The following JARID2 variants were observed in gnomAD, a reference collection of about 807,000 sequenced individuals.
The protein encoded by JARID2 is jumonji and AT-rich interaction domain containing 2.
In JARID2, 21 loss-of-function variants were observed where a neutral mutation model predicts 125.6. That is an observed-to-expected ratio of 0.17 (90% CI 0.12 to 0.24). JARID2 has a LOEUF of 0.24. Among genes scored for constraint, JARID2 ranks in the 10% least tolerant of loss-of-function variants. The pLI is 1.00. For missense variants in JARID2, 1,303 were observed against 1,639.6 expected, an observed-to-expected ratio of 0.79 and a Z score of 3.55; for synonymous variants, 736 against 661.6, an observed-to-expected ratio of 1.11 and a Z score of -1.73.
At chr6:15,422,878 G>A (rs1766560572) in intron 3 of JARID2, among the ~76,000 whole-genome samples, 1 of 152,066 alleles carries the variant, frequency 6.6e-6, no homozygotes. Flanking sequence ...TTTACAGGAA[G>A]CAGCTCCTTT....
chr6:15,367,103 C>A (rs1260991423), intron 1 of JARID2, among the ~76,000 whole-genome samples: 2 of 152,068 alleles, frequency 1.3e-5, no homozygotes, highest in African/African-American at 4.8e-5. Context: ...ACTACCAGTG[C>A]CCTTGATTTG....
chr6:15,278,363 G>T (rs541376636), intron 1 of JARID2, among the ~76,000 whole-genome samples: 34 of 152,112 alleles, frequency 2.2e-4, no homozygotes, highest in African/African-American at 8.0e-4. Flanking sequence ...GAGGCGGGTG[G>T]ATCACGAGGT....
chr6:15,374,343 C>G lies in JARID2; in HGVS notation c.181+91C>G, dbSNP rs140868055. ...ATTGGATGTATTCTGGCAGCTTGTG[C>G]TTCCTGGTCTAGGCACCTAAAGGCA... is the stretch of plus-strand genomic sequence containing the variant. On this transcript the variant is annotated intron_variant, in intron 2 of 17. Coordinates refer to ENST00000341776, the MANE Select transcript of JARID2 (RefSeq NM_004973.4). The G allele has an allele frequency of 2.1e-3, 3,008 of 1,399,918 alleles. 6 individuals are homozygous for G. Among genetic ancestry groups the G allele is most frequent in the Non-Finnish European group, 2.8e-3 (2,782 of 1,006,734 alleles). The allele number at this position is 1,399,918 out of a possible 1,614,324, so 86.7% of individuals were successfully genotyped here. A position where few individuals can be genotyped will look rare whatever the true frequency, so the allele number is the denominator to read the frequency against.
At chr6:15,261,688 A>T (rs1581337476) in intron 1 of JARID2, among the ~76,000 whole-genome samples, 1 of 151,956 alleles carries the variant, frequency 6.6e-6, no homozygotes, top group East Asian at 1.9e-4. Flanking sequence ...GCTGAGTGTT[A>T]AAAGATTTCT....
At position 15,521,637 on chromosome 6, in the gene JARID2, C is replaced by G. The variant is rs573866834; in HGVS notation, c.*1386C>G. On this transcript the variant is annotated 3_prime_UTR_variant, in exon 18 of 18. Coordinates refer to ENST00000341776, the MANE Select transcript of JARID2 (RefSeq NM_004973.4). Reference sequence around the variant, plus strand: ...AAAAAAGGGAAACTGTTTTCACAAGCTGTTCTTTGTTTCATAATTGGATTC... The same window carrying G: ...AAAAAAGGGAAACTGTTTTCACAAGGTGTTCTTTGTTTCATAATTGGATTC... 1.3e-5 allele frequency: 2 copies of G among 152,296 alleles called. No homozygotes were observed. The highest frequency in any genetic ancestry group is 4.1e-4 in the South Asian group (2 of 4,826). 9.4% of individuals were successfully genotyped at this position (152,296 alleles called of 1,614,324 possible). A position where few individuals can be genotyped will look rare whatever the true frequency, so the allele number is the denominator to read the frequency against.
chr6:15,419,721 G>A (rs549675738), intron 3 of JARID2, among the ~76,000 whole-genome samples: 2 of 152,304 alleles, frequency 1.3e-5, no homozygotes, highest in South Asian at 4.1e-4. Flanking sequence ...CTGTCCCGAT[G>A]TGCATCATTT....
chr6:15,374,104 T>TA lies in JARID2; in HGVS notation c.46-12dup. On this transcript the variant is annotated splice_polypyrimidine_tract_variant and intron_variant, in intron 1 of 17. Transcript: ENST00000341776. Reference sequence around the variant, plus strand: ...CTATTCAGTAACTCCTCTCTTTTCTTATGTTTCTTCAGGATGACAGTGATG... The same window carrying TA: ...CTATTCAGTAACTCCTCTCTTTTCTTAATGTTTCTTCAGGATGACAGTGATG... 1 of 1,611,490 alleles carries TA rather than the reference T, an allele frequency of 6.2e-7. No homozygotes were observed. The highest frequency in any genetic ancestry group is 1.1e-5 in the South Asian group (1 of 90,560).
At chr6:15,369,756 G>C (rs1764098734) in intron 1 of JARID2, among the ~76,000 whole-genome samples, 1 of 152,216 alleles carries the variant, frequency 6.6e-6, no homozygotes, top group Admixed American at 6.5e-5. Context: ...AGATGTAAGT[G>C]GGGTAGGGGA....
At chr6:15,378,922 G>A (rs1764474148) in intron 2 of JARID2, among the ~76,000 whole-genome samples, 1 of 152,186 alleles carries the variant, frequency 6.6e-6, no homozygotes, top group Non-Finnish European at 1.5e-5. Context: ...GCATCCTGGT[G>A]TGATGAACAA....
chr6:15,520,223 C>A lies in JARID2; in HGVS notation c.3713C>A (p.Ser1238Ter), dbSNP rs759455782. ...VPPSRLSASS[S>*]SKSASSSS The stretch of plus-strand genomic sequence containing the variant: ...CCCTCCCGTCTGTCAGCCTCCAGTT[C>A]ATCCAAAAGTGCTTCGAGCTCATCA... Residue 1238 changes from serine (S) to a stop codon, truncating the protein, a stop_gained, in exon 18 of 18, where the codon TCA (serine) becomes TAA (stop). Transcript: ENST00000341776. LOFTEE classifies it high-confidence loss of function. The A allele has an allele frequency of 1.9e-6, 3 of 1,611,586 alleles. No homozygotes were observed. Among genetic ancestry groups the A allele is most frequent in the Non-Finnish European group, 2.5e-6 (3 of 1,179,108 alleles).
At chr6:15,306,180 C>CGCTCTT (rs1761814869) in intron 1 of JARID2, among the ~76,000 whole-genome samples, 1 of 152,096 alleles carries the variant, frequency 6.6e-6, no homozygotes, top group Non-Finnish European at 1.5e-5. Context: ...AAGTGCGTCA[C>CGCTCTT]AGTTAGGTTG....
chr6:15,365,395 C>T (rs1285831358), intron 1 of JARID2, among the ~76,000 whole-genome samples: 1 of 152,142 alleles, frequency 6.6e-6, no homozygotes, highest in Non-Finnish European at 1.5e-5. Flanking sequence ...CTGCTCTGTT[C>T]CCTGACTGCA....
chr6:15,345,168 CT>C (rs1763203399), intron 1 of JARID2, among the ~76,000 whole-genome samples: 1 of 152,098 alleles, frequency 6.6e-6, no homozygotes, highest in Admixed American at 6.5e-5. Flanking sequence ...TGATTGTATG[CT>C]GCTTATCTAT....
At chr6:15,277,251 C>T (rs896040171) in intron 1 of JARID2, among the ~76,000 whole-genome samples, 54 of 152,172 alleles carry the variant, frequency 3.5e-4, no homozygotes, top group African/African-American at 1.3e-3. Context: ...TATGCAGGGG[C>T]TGGAGTTACA....
intron 1 of JARID2, among the ~76,000 whole-genome samples, chr6:15,367,812 A>G (rs984701192): frequency 2.6e-5 from 4 of 152,148 alleles, no homozygotes; most frequent in African/African-American, 9.7e-5. Flanking sequence ...TCCCCAGGAG[A>G]GGTTTGCTGT....
chr6:15,516,752 A>G (rs1436419705), intron 16 of JARID2, among the ~76,000 whole-genome samples: 1 of 152,168 alleles, frequency 6.6e-6, no homozygotes, highest in Non-Finnish European at 1.5e-5. Context: ...CTATTCCAGC[A>G]CTAGGGTGGT....
At chr6:15,377,831 C>G (rs1462178803) in intron 2 of JARID2, among the ~76,000 whole-genome samples, 1 of 123,848 alleles carries the variant, frequency 8.1e-6, no homozygotes, top group African/African-American at 3.0e-5. Flanking sequence ...CTGTCCCGAG[C>G]CAGGATGGAT....
chr6:15,397,630 C>A (rs965924945), intron 2 of JARID2, among the ~76,000 whole-genome samples: 2 of 152,184 alleles, frequency 1.3e-5, no homozygotes, highest in Non-Finnish European at 2.9e-5. Flanking sequence ...GTTCCTTGGT[C>A]TCTCTTGTGA....
intron 5 of JARID2, among the ~76,000 whole-genome samples, chr6:15,472,483 A>T (rs1159525497): frequency 6.6e-6 from 1 of 152,122 alleles, no homozygotes; most frequent in Non-Finnish European, 1.5e-5. Context: ...AATTAGATTG[A>T]TGTCATCTGT....
Sources: allele counts gnomAD v4.1 joint callset (sites outside exome capture counted in the v4.1 genomes callset), GRCh38; gene constraint gnomAD v4.1.1; transcripts MANE v1.5; gene names NCBI Gene and HGNC (gene_info 2026-07-23, HGNC 2026-07-21).